LRRFIP1: variants seen among roughly 807,000 people sequenced by gnomAD.
The protein encoded by LRRFIP1 is LRR binding FLII interacting protein 1.
A neutral mutation model predicts 104.4 loss-of-function variants in LRRFIP1; 62 were observed. The observed-to-expected ratio is 0.59, with a 90% CI of 0.48 to 0.73. The LOEUF (loss-of-function observed/expected upper bound fraction) is 0.73. LRRFIP1 is among the 30% of genes least tolerant of loss of function. The pLI is 0.00. For synonymous variants in LRRFIP1, 300 were observed against 299.0 expected (o/e 1.00, Z -0.03); for missense variants, 796 against 824.5 (o/e 0.97, Z 0.42).
intron 1 of LRRFIP1, among the ~76,000 whole-genome samples, chr2:237,650,828 T>A (rs1157452725): frequency 1.3e-5 from 2 of 152,174 alleles, no homozygotes; most frequent in Non-Finnish European, 2.9e-5. Context: ...GTCCCGGGGT[T>A]TTCCCCTGCA....
intron 1 of LRRFIP1, among the ~76,000 whole-genome samples, chr2:237,643,859 T>C (rs1042046538): frequency 4.6e-5 from 7 of 152,260 alleles, no homozygotes; most frequent in Non-Finnish European, 7.3e-5. Context: ...CGCTTACATA[T>C]AAGTGAAGGT....
At chr2:237,712,469 G>A (rs533927624) in intron 2 of LRRFIP1, among the ~76,000 whole-genome samples, 6 of 152,264 alleles carry the variant, frequency 3.9e-5, no homozygotes, top group African/African-American at 1.4e-4. Context: ...TCCTTGGTGT[G>A]GAATTTGAGG....
intron 1 of LRRFIP1, among the ~76,000 whole-genome samples, chr2:237,686,415 A>G (rs2092373277): frequency 6.6e-6 from 1 of 152,272 alleles, no homozygotes; most frequent in South Asian, 2.1e-4. Context: ...CTACAGAAGT[A>G]TAAAATACTG....
intron 11 of LRRFIP1, among the ~76,000 whole-genome samples, chr2:237,742,753 T>A (rs1397389254): frequency 6.6e-6 from 1 of 152,218 alleles, no homozygotes; most frequent in South Asian, 2.1e-4. Context: ...TGGATAGGAC[T>A]CCCCGGTCCT....
chr2:237,775,312 G>A lies in LRRFIP1; in HGVS notation c.1812+850G>A, dbSNP rs536410202. Among the ~76,000 whole-genome samples, 59 of 152,370 alleles carry A rather than the reference G, an allele frequency of 3.9e-4. 2 individuals carry two copies. In the South Asian group the frequency reaches 9.7e-3, roughly 25 times the overall value. On this transcript the variant is annotated intron_variant, in intron 23 of 23. Transcript: ENST00000308482. ...AGCCTTCCGCGCAAAGGATCAGCACGTGCAGGGGAGCTCGGGGCAAGGCAC... is the reference window on the plus strand; with the variant it reads ...AGCCTTCCGCGCAAAGGATCAGCACATGCAGGGGAGCTCGGGGCAAGGCAC...
chr2:237,706,381 G>A (rs566221308), intron 1 of LRRFIP1, among the ~76,000 whole-genome samples: 106 of 151,692 alleles, frequency 7.0e-4, no homozygotes, highest in African/African-American at 2.4e-3. Context: ...TCTTTTCCCG[G>A]CCCCTCCTCT....
At chr2:237,709,291 C>T (rs2093961792) in intron 2 of LRRFIP1, among the ~76,000 whole-genome samples, 1 of 152,214 alleles carries the variant, frequency 6.6e-6, no homozygotes, top group African/African-American at 2.4e-5. Flanking sequence ...GTGACTTTTT[C>T]TGTGACCTCA....
At chr2:237,643,691 C>T (rs1486614399) in intron 1 of LRRFIP1, among the ~76,000 whole-genome samples, 1 of 152,080 alleles carries the variant, frequency 6.6e-6, no homozygotes, top group Non-Finnish European at 1.5e-5. Flanking sequence ...GGATCACTAG[C>T]GTTTAGTGGC....
At chr2:237,715,340 G>T (rs905178867) in intron 3 of LRRFIP1, among the ~76,000 whole-genome samples, 1 of 152,118 alleles carries the variant, frequency 6.6e-6, no homozygotes, top group Admixed American at 6.5e-5. Context: ...AGAGAGCCTC[G>T]GGAAGAACTG....
chr2:237,696,847 C>T (rs761192428), intron 1 of LRRFIP1, among the ~76,000 whole-genome samples: 2 of 152,144 alleles, frequency 1.3e-5, no homozygotes, highest in Non-Finnish European at 2.9e-5. Context: ...TCTTGGCAGC[C>T]CTGCTGTCTC....
At chr2:237,719,429 T>C in intron 4 of LRRFIP1, 94 bp from the exon 5 acceptor site, 1 of 780,240 alleles carries the variant, frequency 1.3e-6, no homozygotes, top group Non-Finnish European at 2.3e-6. Flanking sequence ...AGAACTGCTG[T>C]ATTATGGTGC....
At chr2:237,666,809 C>T (rs200080282) in intron 1 of LRRFIP1, among the ~76,000 whole-genome samples, 13 of 113,848 alleles carry the variant, frequency 1.1e-4, no homozygotes, top group East Asian at 4.8e-4. Context: ...CTTTCTTTCT[C>T]TTTCTTTCTT....
intron 1 of LRRFIP1, among the ~76,000 whole-genome samples, chr2:237,641,426 G>A (rs1245893886): frequency 1.3e-5 from 2 of 151,502 alleles, no homozygotes; most frequent in African/African-American, 4.9e-5. Context: ...GAACCCAGGA[G>A]GTAGAGGTTG....
chr2:237,661,632 A>G lies in LRRFIP1; in HGVS notation c.96+33892A>G, dbSNP rs903210913. Among the ~76,000 whole-genome samples, 4 of 152,208 alleles carry G rather than the reference A, an allele frequency of 2.6e-5. No individual in the cohort carries two copies. Among genetic ancestry groups the G allele is most frequent in the African/African-American group, 9.7e-5 (4 of 41,446 alleles). ...TCACTGTCGATGGAATTTTTCAGTGATACCTAACATCTGTCCCAGAGCCAT... is the reference window on the plus strand; with the variant it reads ...TCACTGTCGATGGAATTTTTCAGTGGTACCTAACATCTGTCCCAGAGCCAT... On this transcript the variant is annotated intron_variant, in intron 1 of 23. Transcript: ENST00000308482. This position sits in a 1 kb window ranked among gnomAD's most constrained non-coding sequence, Gnocchi z 4.4.
intron 13 of LRRFIP1, among the ~76,000 whole-genome samples, chr2:237,750,905 G>A (rs972585600): frequency 6.6e-6 from 1 of 152,124 alleles, no homozygotes; most frequent in Admixed American, 6.5e-5. Context: ...TTACTAAATA[G>A]GAGTTGAAAT....
intron 1 of LRRFIP1, among the ~76,000 whole-genome samples, chr2:237,654,553 C>CCTT (rs2086472244): frequency 6.8e-6 from 1 of 148,148 alleles, no homozygotes; most frequent in Non-Finnish European, 1.5e-5. Flanking sequence ...TGAAAATATT[C>CCTT]CTTTTTTTTT....
intron 23 of LRRFIP1, among the ~76,000 whole-genome samples, chr2:237,776,656 G>A (rs2061121179): frequency 6.6e-6 from 1 of 151,868 alleles, no homozygotes; most frequent in South Asian, 2.1e-4. Flanking sequence ...TCACTTTGTA[G>A]TGACCCTTTT....
chr2:237,734,467 G>C (rs1222429570), intron 9 of LRRFIP1, among the ~76,000 whole-genome samples: 1 of 151,816 alleles, frequency 6.6e-6, no homozygotes, highest in Admixed American at 6.6e-5. Context: ...TTTCAGTAGA[G>C]ACGGGTTTCA....
chr2:237,757,151 G>A (rs963724450), intron 16 of LRRFIP1, among the ~76,000 whole-genome samples: 12 of 152,294 alleles, frequency 7.9e-5, no homozygotes, highest in South Asian at 2.1e-4. Context: ...AATTTATGAC[G>A]ATTCATTACA....
Sources: allele counts gnomAD v4.1 joint callset (sites outside exome capture counted in the v4.1 genomes callset), GRCh38; gene constraint gnomAD v4.1.1; non-coding constraint Gnocchi (gnomAD v3.1); transcripts MANE v1.5; gene names NCBI Gene and HGNC (gene_info 2026-07-23, HGNC 2026-07-21).